ARMC9: variants seen among roughly 807,000 people sequenced by gnomAD.
The protein encoded by ARMC9 is armadillo repeat containing 9.
A neutral mutation model predicts 107.0 loss-of-function variants in ARMC9; 94 were observed. The ratio of observed to expected loss-of-function variants is 0.88; its 90% CI spans 0.74 to 1.04. ARMC9 has a LOEUF of 1.04. ARMC9 is among the 50% of genes least tolerant of loss of function. The pLI is 0.00. For synonymous variants in ARMC9, 380 were observed against 396.9 expected (o/e 0.96, Z 0.51); for missense variants, 942 against 1,030.1 (o/e 0.91, Z 1.17).
chr2:231,361,663 C>G (rs115801113), intron 23 of ARMC9, among the ~76,000 whole-genome samples: 1,945 of 152,198 alleles, frequency 0.013, 46 homozygotes, highest in African/African-American at 0.043. Flanking sequence ...GGGGCCTGGC[C>G]TGGGTCTCAG....
chr2:231,266,648 A>G (rs543158880), intron 12 of ARMC9, among the ~76,000 whole-genome samples: 2 of 152,224 alleles, frequency 1.3e-5, no homozygotes, highest in East Asian at 1.9e-4. Flanking sequence ...CCATTCTACT[A>G]TCTGTCTCTA....
At chr2:231,344,148 G>A (rs1235762512) in intron 20 of ARMC9, among the ~76,000 whole-genome samples, 1 of 152,022 alleles carries the variant, frequency 6.6e-6, no homozygotes, top group Non-Finnish European at 1.5e-5. Context: ...CCATGTTTTG[G>A]ATTCATTCAC....
Position 231,297,051 on chromosome 2 carries a change from A to G in ARMC9, c.1773+798A>G, listed in dbSNP as rs1295896673. On this transcript the variant is annotated intron_variant, in intron 19 of 24. Coordinates refer to ENST00000611582, the MANE Select transcript of ARMC9 (RefSeq NM_001352754.2). This position sits in a 1 kb window ranked among gnomAD's most constrained non-coding sequence, Gnocchi z 4.2. ...GTTTTTTTGTTTGGAGTCGTGGCCT[A>G]TCAGCTTGTAAAATGTGTAAAAGCC... 6.6e-6 allele frequency among the ~76,000 whole-genome samples: 1 copy of G among 152,188 alleles called. No homozygotes were observed. Among genetic ancestry groups the G allele is most frequent in the East Asian group, 1.9e-4 (1 of 5,194 alleles).
intron 9 of ARMC9, among the ~76,000 whole-genome samples, chr2:231,244,068 T>G (rs1425726009): frequency 6.6e-6 from 1 of 152,200 alleles, no homozygotes; most frequent in Non-Finnish European, 1.5e-5. Context: ...CTGTTGAGCT[T>G]GAGTGTTACT....
intron 19 of ARMC9, among the ~76,000 whole-genome samples, chr2:231,327,659 G>T (rs2043418913): frequency 6.6e-6 from 1 of 152,166 alleles, no homozygotes; most frequent in South Asian, 2.1e-4. Context: ...ATTTTTGTAT[G>T]CCAACAAGTT....
Position 231,360,630 on chromosome 2 carries a change from GGGAGCCCGCAGGGCCT to G in ARMC9, c.2132-121_2132-106del. ...CAAGTATCCCAAGCCACAGGCGCCA[GGGAGCCCGCAGGGCCT>G]GGCCTGGGGTGCGTGCTTTTCTTGG... On this transcript the variant is annotated intron_variant, in intron 22 of 24. Transcript: ENST00000611582. This position sits in a 1 kb window ranked among gnomAD's most constrained non-coding sequence, Gnocchi z 4.7. The G allele has an allele frequency of 6.9e-7, 1 of 1,455,618 alleles. No individual in the cohort carries two copies. Among genetic ancestry groups the G allele is most frequent in the Non-Finnish European group, 9.3e-7 (1 of 1,078,436 alleles). 90.2% of individuals were successfully genotyped at this position (1,455,618 alleles called of 1,614,324 possible).
chr2:231,246,667 T>C (rs2036795132), intron 9 of ARMC9, among the ~76,000 whole-genome samples: 1 of 152,222 alleles, frequency 6.6e-6, no homozygotes, highest in Non-Finnish European at 1.5e-5. Flanking sequence ...CATGAACATA[T>C]GAGTACGTGT....
chr2:231,221,156 G>A (rs2034083264), intron 5 of ARMC9, among the ~76,000 whole-genome samples: 1 of 152,158 alleles, frequency 6.6e-6, no homozygotes, highest in Admixed American at 6.5e-5. Flanking sequence ...TGAATCCTAG[G>A]GGAGGATCCT....
At chr2:231,356,061 C>T (rs368783941) in intron 22 of ARMC9, 127 bp downstream of exon 22, 30 of 1,255,428 alleles carry the variant, frequency 2.4e-5, no homozygotes, top group Admixed American at 2.2e-4. Flanking sequence ...GCAACAGCCC[C>T]GTGTCACAGA....
intron 24 of ARMC9, 87 bp downstream of exon 24, chr2:231,370,212 G>A (rs535907876): frequency 5.8e-4 from 796 of 1,375,788 alleles, no homozygotes; most frequent in Non-Finnish European, 7.3e-4. Context: ...ATTTGGCCCC[G>A]TGCTCCTGTG....
intron 5 of ARMC9, among the ~76,000 whole-genome samples, chr2:231,221,341 A>C (rs150161300): frequency 6.6e-6 from 1 of 151,844 alleles, no homozygotes; most frequent in Non-Finnish European, 1.5e-5. Context: ...GACACACCCT[A>C]CTCCAGTGTG....
intron 20 of ARMC9, among the ~76,000 whole-genome samples, chr2:231,334,128 A>G (rs991846478): frequency 2.0e-5 from 3 of 152,234 alleles, no homozygotes; most frequent in Non-Finnish European, 4.4e-5. Context: ...GAAGGAAACC[A>G]TGGGTGGACA....
chr2:231,264,597 G>C (rs1037488187), intron 12 of ARMC9, among the ~76,000 whole-genome samples: 1 of 150,796 alleles, frequency 6.6e-6, no homozygotes, highest in Admixed American at 6.6e-5. Flanking sequence ...TCCTGGGTTC[G>C]AGCGATTCTC....
At chr2:231,215,087 C>G (rs2033350090) in intron 4 of ARMC9, 86 bp downstream of exon 4, 1 of 1,470,528 alleles carries the variant, frequency 6.8e-7, no homozygotes, top group African/African-American at 1.4e-5. Context: ...GCATGGATTT[C>G]ATATGTGGCT....
intron 8 of ARMC9, among the ~76,000 whole-genome samples, chr2:231,238,377 G>T (rs1327650814): frequency 3.9e-5 from 6 of 152,186 alleles, no homozygotes; most frequent in African/African-American, 1.4e-4. Context: ...TTGAGACAGG[G>T]TCTCACTCTG....
chr2:231,258,634 C>G (rs1306792181), intron 10 of ARMC9, among the ~76,000 whole-genome samples: 1 of 152,178 alleles, frequency 6.6e-6, no homozygotes. Context: ...GTCCAAAATT[C>G]TAAACAGAAC....
At chr2:231,307,897 T>C (rs765639106) in intron 19 of ARMC9, among the ~76,000 whole-genome samples, 3 of 152,144 alleles carry the variant, frequency 2.0e-5, no homozygotes, top group Non-Finnish European at 2.9e-5. Context: ...CAAGCATAGG[T>C]TCCAGATTGA....
chr2:231,250,963 G>A (rs143959671), intron 9 of ARMC9, among the ~76,000 whole-genome samples: 20 of 152,250 alleles, frequency 1.3e-4, no homozygotes, highest in African/African-American at 4.8e-4. Context: ...GGCATGCCTG[G>A]TGACTAGTGA....
chr2:231,359,582 G>A (rs2045484776), intron 22 of ARMC9, among the ~76,000 whole-genome samples: 1 of 152,182 alleles, frequency 6.6e-6, no homozygotes, highest in African/African-American at 2.4e-5. Context: ...TGGTCCTAGA[G>A]GACTTGCCTG....
Sources: allele counts gnomAD v4.1 joint callset (sites outside exome capture counted in the v4.1 genomes callset), GRCh38; gene constraint gnomAD v4.1.1; non-coding constraint Gnocchi (gnomAD v3.1); transcripts MANE v1.5; gene names NCBI Gene and HGNC (gene_info 2026-07-23, HGNC 2026-07-21).